CHN1: variants seen among roughly 807,000 people sequenced by gnomAD.
CHN1 encodes chimerin 1.
A neutral mutation model predicts 59.5 loss-of-function variants in CHN1; 37 were observed. That is an observed-to-expected ratio of 0.62 (90% CI 0.48 to 0.82). The LOEUF is 0.82. Among genes scored for constraint, CHN1 ranks in the 40% least tolerant of loss-of-function variants. The pLI is 0.00. For synonymous variants in CHN1, 206 were observed against 200.4 expected (o/e 1.03, Z -0.24); for missense variants, 469 against 571.0 (o/e 0.82, Z 1.82).
intron 3 of CHN1, among the ~76,000 whole-genome samples, chr2:174,919,762 T>C (rs1286984772): frequency 1.3e-5 from 2 of 151,278 alleles, no homozygotes; most frequent in Non-Finnish European, 1.5e-5. Context: ...TTACTTCACA[T>C]ACTTTTTTTT....
intron 3 of CHN1, among the ~76,000 whole-genome samples, chr2:174,936,999 C>A (rs1353924559): frequency 1.3e-5 from 2 of 152,074 alleles, no homozygotes; most frequent in African/African-American, 4.8e-5. Context: ...TTAGTGTCCA[C>A]AATAGCAACT....
chr2:174,879,508 CT>C (rs1687670750), intron 5 of CHN1, among the ~76,000 whole-genome samples: 1 of 152,136 alleles, frequency 6.6e-6, no homozygotes, highest in Non-Finnish European at 1.5e-5. Flanking sequence ...CCATTTTCCT[CT>C]AATGTTAAAG....
At chr2:174,855,339 G>C (rs1172001183) in intron 6 of CHN1, among the ~76,000 whole-genome samples, 1 of 152,090 alleles carries the variant, frequency 6.6e-6, no homozygotes, top group Non-Finnish European at 1.5e-5. Flanking sequence ...CTTACGATTG[G>C]GAAGGTGCTG....
intron 8 of CHN1, among the ~76,000 whole-genome samples, chr2:174,818,657 A>G (rs1016333777): frequency 6.6e-6 from 1 of 152,106 alleles, no homozygotes; most frequent in Admixed American, 6.6e-5. Context: ...CTATTAAACC[A>G]CATTTCTCCC....
chr2:174,896,881 T>A (rs956098118), intron 5 of CHN1, among the ~76,000 whole-genome samples: 2 of 152,214 alleles, frequency 1.3e-5, no homozygotes, highest in African/African-American at 4.8e-5. Flanking sequence ...ATGTATATAA[T>A]ATACATCTAT....
intron 1 of CHN1, among the ~76,000 whole-genome samples, chr2:174,985,599 T>C (rs1244000648): frequency 6.6e-6 from 1 of 152,320 alleles, no homozygotes; most frequent in East Asian, 1.9e-4. Flanking sequence ...ATCATATTAT[T>C]ACTTTAAAAG....
intron 7 of CHN1, among the ~76,000 whole-genome samples, chr2:174,827,778 A>C (rs1366108581): frequency 6.6e-6 from 1 of 152,188 alleles, no homozygotes; most frequent in African/African-American, 2.4e-5. Flanking sequence ...TTGGTAACTA[A>C]TTGAAACAGA....
At chr2:174,952,118 A>G (rs1334815432) in intron 2 of CHN1, 46 bp downstream of exon 2, 8 of 1,142,328 alleles carry the variant, frequency 7.0e-6, no homozygotes, top group Non-Finnish European at 9.4e-6. Flanking sequence ...ATATTTTTAT[A>G]TTACTTATAA....
intron 8 of CHN1, among the ~76,000 whole-genome samples, chr2:174,819,479 C>T (rs1331573753): frequency 6.6e-6 from 1 of 152,070 alleles, no homozygotes; most frequent in African/African-American, 2.4e-5. Flanking sequence ...TCTGGTAAGG[C>T]TAAGATGAAA....
intron 1 of CHN1, among the ~76,000 whole-genome samples, chr2:174,994,137 G>A (rs1180490198): frequency 2.0e-5 from 3 of 152,162 alleles, no homozygotes; most frequent in Non-Finnish European, 2.9e-5. Flanking sequence ...TAATGAAGTG[G>A]AATTTGTTAT....
intron 1 of CHN1, among the ~76,000 whole-genome samples, chr2:174,985,508 A>G (rs1691310169): frequency 6.6e-6 from 1 of 152,202 alleles, no homozygotes; most frequent in African/African-American, 2.4e-5. Flanking sequence ...CTTTAGAGCA[A>G]TTACTAATAC....
intron 8 of CHN1, among the ~76,000 whole-genome samples, chr2:174,814,653 T>C (rs1685184663): frequency 1.3e-5 from 2 of 152,242 alleles, no homozygotes; most frequent in African/African-American, 4.8e-5. Context: ...TAGTAAACTG[T>C]GTTCACCATG....
At chr2:175,002,104 G>T (rs553225690) in intron 1 of CHN1, among the ~76,000 whole-genome samples, 2 of 152,318 alleles carry the variant, frequency 1.3e-5, no homozygotes, top group East Asian at 3.9e-4. Flanking sequence ...CGCTGTGACA[G>T]ATGTTTGCTG....
intron 1 of CHN1, among the ~76,000 whole-genome samples, chr2:174,984,322 C>A (rs925585187): frequency 6.8e-6 from 1 of 147,826 alleles, no homozygotes; most frequent in South Asian, 2.2e-4. Context: ...CTTAAATTAA[C>A]GTTTCTATAA....
intron 1 of CHN1, among the ~76,000 whole-genome samples, chr2:174,999,231 G>A (rs1691807808): frequency 6.6e-6 from 1 of 152,028 alleles, no homozygotes; most frequent in Admixed American, 6.6e-5. Flanking sequence ...CTGGTAATTT[G>A]GTTACAAGGC....
chr2:175,003,506 T>C (rs1036917058), intron 1 of CHN1, among the ~76,000 whole-genome samples: 62 of 152,330 alleles, frequency 4.1e-4, no homozygotes, highest in African/African-American at 1.4e-3. Flanking sequence ...TAAACCTTAC[T>C]TCTGAAACCA....
intron 1 of CHN1, among the ~76,000 whole-genome samples, chr2:174,992,846 G>C (rs112001722): frequency 0.028 from 4,188 of 152,052 alleles, 196 homozygotes; most frequent in African/African-American, 0.096. Flanking sequence ...CTGTCACCCA[G>C]GCTGGAGTGC....
intron 1 of CHN1, among the ~76,000 whole-genome samples, chr2:175,000,169 C>T (rs1691843266): frequency 8.0e-6 from 1 of 124,984 alleles, no homozygotes; most frequent in Admixed American, 9.4e-5. Context: ...GAGATGGAGT[C>T]TCACTCTGTT....
chr2:174,908,446 T>A (rs898887556), intron 5 of CHN1, among the ~76,000 whole-genome samples: 2 of 152,296 alleles, frequency 1.3e-5, no homozygotes, highest in Admixed American at 6.5e-5. Context: ...TGACTCCCAT[T>A]TCCTACAGAT....
Sources: gnomAD v4.1 joint callset for allele counts (sites outside exome capture counted in the v4.1 genomes callset) on GRCh38, gnomAD v4.1.1 for gene constraint, MANE v1.5 for transcripts, NCBI Gene and HGNC (gene_info 2026-07-23, HGNC 2026-07-21) for gene names.